Variants in STAU2 observed in about 807,000 individuals in gnomAD.
STAU2 encodes the protein double-stranded RNA-binding protein Staufen homolog 2.
In STAU2, 20 loss-of-function variants were observed where a neutral mutation model predicts 65.9. That is an observed-to-expected ratio of 0.30 (90% confidence interval 0.21 to 0.44). STAU2 has a LOEUF of 0.44. Among genes scored for constraint, STAU2 ranks in the 20% least tolerant of loss-of-function variants. The pLI is 1.00. For missense variants in STAU2, 558 were observed against 683.9 expected, an observed-to-expected ratio of 0.82 and a Z score of 2.05; for synonymous variants, 232 against 233.9, an observed-to-expected ratio of 0.99 and a Z score of 0.07.
At chr8:73,514,886 T>C (rs1038487142) in intron 13 of STAU2, among the ~76,000 whole-genome samples, 2 of 152,214 alleles carry the variant, frequency 1.3e-5, no homozygotes, top group African/African-American at 4.8e-5. Flanking sequence ...CCTCCAACTT[T>C]TAATTATAAT....
intron 7 of STAU2, among the ~76,000 whole-genome samples, chr8:73,616,397 A>G (rs1316946807): frequency 1.3e-5 from 2 of 152,182 alleles, no homozygotes; most frequent in African/African-American, 4.8e-5. Flanking sequence ...GAAAGAGTAC[A>G]AGCAGAAAAA....
chr8:73,680,184 C>T (rs1222928431), intron 5 of STAU2, among the ~76,000 whole-genome samples: 1 of 146,146 alleles, frequency 6.8e-6, no homozygotes, highest in Non-Finnish European at 1.5e-5. Context: ...GAATAGGGGG[C>T]CAATGGAAAG....
intron 13 of STAU2, among the ~76,000 whole-genome samples, chr8:73,431,168 A>G (rs1432300270): frequency 6.6e-6 from 1 of 152,238 alleles, no homozygotes; most frequent in Middle Eastern, 3.2e-3. Flanking sequence ...ATACACTAAC[A>G]TAAGCATCCA....
At chr8:73,746,855 G>A, upstream of STAU2, 1 of 1,212,652 alleles carries the variant, frequency 8.2e-7, no homozygotes, top group Non-Finnish European at 1.0e-6. Flanking sequence ...CCGCTCGGCC[G>A]CCGCCGGCTT....
chr8:73,659,110 C>T (rs1474819541), intron 6 of STAU2, among the ~76,000 whole-genome samples: 2 of 152,176 alleles, frequency 1.3e-5, no homozygotes, highest in Middle Eastern at 3.4e-3. Flanking sequence ...TAAAGGAACC[C>T]TCCAAAACAA....
chr8:73,633,841 C>CGTG (rs1321117588), intron 6 of STAU2, among the ~76,000 whole-genome samples: 1 of 151,828 alleles, frequency 6.6e-6, no homozygotes, highest in South Asian at 2.1e-4. Flanking sequence ...ATTAGCCAGG[C>CGTG]GTGGTGGTGG....
intron 13 of STAU2, among the ~76,000 whole-genome samples, chr8:73,535,453 G>A (rs1229375845): frequency 1.3e-5 from 2 of 152,218 alleles, no homozygotes; most frequent in Non-Finnish European, 2.9e-5. Context: ...ACAGGCATGA[G>A]CCACCGCCCC....
intron 4 of STAU2, among the ~76,000 whole-genome samples, chr8:73,694,583 C>T (rs1819575832): frequency 1.3e-5 from 2 of 152,170 alleles, no homozygotes; most frequent in Non-Finnish European, 2.9e-5. Flanking sequence ...TCATCACCCC[C>T]AGTGGAACAC....
chr8:73,494,365 T>C (rs1585870934), intron 13 of STAU2, among the ~76,000 whole-genome samples: 1 of 151,824 alleles, frequency 6.6e-6, no homozygotes, highest in East Asian at 1.9e-4. Context: ...GTGGTAGGTA[T>C]GTGGGTATTC....
At chr8:73,647,516 TGAAGA>T (rs1198019891) in intron 6 of STAU2, among the ~76,000 whole-genome samples, 1 of 151,264 alleles carries the variant, frequency 6.6e-6, no homozygotes, top group Non-Finnish European at 1.5e-5. Context: ...GTAGCAGAGG[TGAAGA>T]GAAGAGTAGT....
At chr8:73,709,345 C>G (rs1353469776) in intron 3 of STAU2, among the ~76,000 whole-genome samples, 183 bp from the exon 4 acceptor site, 1 of 151,914 alleles carries the variant, frequency 6.6e-6, no homozygotes, top group Non-Finnish European at 1.5e-5. Flanking sequence ...ACATTTTAAA[C>G]AATAAATTAA....
chr8:73,471,046 G>A (rs1228654250), intron 13 of STAU2, among the ~76,000 whole-genome samples: 1 of 151,782 alleles, frequency 6.6e-6, no homozygotes, highest in Non-Finnish European at 1.5e-5. Context: ...ATAGTTTTTA[G>A]TTCCTCTAAA....
intron 5 of STAU2, among the ~76,000 whole-genome samples, chr8:73,681,774 G>A (rs1024480407): frequency 5.3e-5 from 8 of 152,196 alleles, no homozygotes; most frequent in African/African-American, 1.9e-4. Context: ...AGGTAAAGGG[G>A]TAGAAAGAGA....
Position 73,689,775 on chromosome 8 carries a change from T to C in STAU2, c.115-962A>G, listed in dbSNP as rs1216959858. Among the ~76,000 whole-genome samples the C allele has an allele frequency of 2.0e-5, 3 of 152,168 alleles. 1 individual carries two copies. The highest frequency in any genetic ancestry group is 3.8e-4 in the East Asian group (2 of 5,198). On this transcript the variant is annotated intron_variant, in intron 4 of 14. Coordinates refer to ENST00000524300, the MANE Select transcript of STAU2 (RefSeq NM_001164380.2). ...ATATTATTGTAGAAAGGAGATCAGA[T>C]AGAAAATACCTTCACTAAGTTAGCA... is the stretch of plus-strand genomic sequence containing the variant.
intron 13 of STAU2, among the ~76,000 whole-genome samples, chr8:73,470,023 G>A (rs1819899159): frequency 6.6e-6 from 1 of 152,222 alleles, no homozygotes; most frequent in Admixed American, 6.5e-5. Context: ...CAGGCTCTGT[G>A]ACTTGGGCAA....
chr8:73,568,403 C>A (rs535260893), intron 12 of STAU2, among the ~76,000 whole-genome samples: 2 of 152,250 alleles, frequency 1.3e-5, no homozygotes, highest in South Asian at 4.1e-4. Flanking sequence ...GAGTTTGAGA[C>A]AAGCCTGGGC....
intron 13 of STAU2, among the ~76,000 whole-genome samples, chr8:73,447,028 G>A (rs948533031): frequency 3.9e-5 from 6 of 152,214 alleles, no homozygotes; most frequent in East Asian, 3.9e-4. Flanking sequence ...TGCAACCTCC[G>A]CGTCCCGGGT....
chr8:73,544,330 G>T (rs1440110982), intron 13 of STAU2, among the ~76,000 whole-genome samples: 1 of 152,090 alleles, frequency 6.6e-6, no homozygotes, highest in Non-Finnish European at 1.5e-5. Flanking sequence ...TATCAAGTCT[G>T]TCTCTTTCTT....
chr8:73,746,230 T>C (rs1202187575), intron 1 of STAU2, among the ~76,000 whole-genome samples: 3 of 151,484 alleles, frequency 2.0e-5, no homozygotes, highest in Non-Finnish European at 4.4e-5. Context: ...GCCGCCACCC[T>C]CCGGCGCGCC....
Sources: gnomAD v4.1 joint callset for allele counts (sites outside exome capture counted in the v4.1 genomes callset) on GRCh38, gnomAD v4.1.1 for gene constraint, MANE v1.5 for transcripts, NCBI Gene and HGNC (gene_info 2026-07-23, HGNC 2026-07-21) for gene names.